The following COMMD10 variants were observed in gnomAD, a reference collection of about 807,000 sequenced individuals.
COMMD10 encodes COMM domain-containing protein 10.
Under a neutral mutation model 28.9 loss-of-function variants are expected in COMMD10, and 33 were observed. The ratio of observed to expected loss-of-function variants is 1.14; its 90% confidence interval spans 0.87 to 1.53. COMMD10 has a LOEUF of 1.53. Among genes scored for constraint, COMMD10 ranks in the 40% most tolerant of loss-of-function variants. COMMD10 has a pLI of 0.00. For synonymous variants in COMMD10, 110 were observed against 81.7 expected, an observed-to-expected ratio of 1.35 and a Z score of -1.87; for missense variants, 310 against 233.4, an observed-to-expected ratio of 1.33 and a Z score of -2.14.
intron 4 of COMMD10, among the ~76,000 whole-genome samples, chr5:116,133,143 A>G (rs915330586): frequency 2.6e-5 from 4 of 152,162 alleles, no homozygotes; most frequent in African/African-American, 4.8e-5. Context: ...TACTAAATCT[A>G]TTATTAGGGT....
rs182392995 is a variant in COMMD10 at position 116,178,382 on chromosome 5, C to T, written c.510+44204C>T. Among the ~76,000 whole-genome samples the T allele has an allele frequency of 1.6e-4, 25 of 152,174 alleles. No homozygotes were observed. The East Asian group carries it at 4.8e-3, about 29-fold the overall frequency. On this transcript the variant is annotated intron_variant, in intron 5 of 6. Transcript: ENST00000274458. ...AGTAAGATTAAAGCCTTAAACAAAA[C>T]TTACTTTATAAAATTGTTCTAAAGT...
intron 5 of COMMD10, among the ~76,000 whole-genome samples, chr5:116,237,487 C>G (rs552029345): frequency 1.6e-4 from 25 of 152,102 alleles, no homozygotes; most frequent in Non-Finnish European, 1.5e-5. Flanking sequence ...CTACATCAAG[C>G]TTTTATTTTA....
chr5:116,085,107 T>TA lies in COMMD10; in HGVS notation c.41+16dup, dbSNP rs1225406290. 6.2e-7 allele frequency: 1 copy of TA among 1,607,334 alleles called. No individual in the cohort carries two copies. The highest frequency in any genetic ancestry group is 1.1e-5 in the South Asian group (1 of 89,844). On this transcript the variant is annotated intron_variant, in intron 1 of 6. Transcript: ENST00000274458. The stretch of plus-strand genomic sequence containing the variant: ...GGAGAGCCCCAGGTAGCTGATCCGT[T>TA]AAGCTCTTGCGGTAGCCGCGCCCAG...
intron 5 of COMMD10, among the ~76,000 whole-genome samples, chr5:116,268,177 A>G (rs1376662304): frequency 2.6e-5 from 4 of 152,002 alleles, no homozygotes; most frequent in Non-Finnish European, 5.9e-5. Context: ...ACAGAATGGA[A>G]GAAAATGTTT....
chr5:116,209,276 T>TA (rs1748899341), intron 5 of COMMD10, among the ~76,000 whole-genome samples: 1 of 152,204 alleles, frequency 6.6e-6, no homozygotes, highest in South Asian at 2.1e-4. Flanking sequence ...ATTTTCTACT[T>TA]ACTGCTTCAG....
Position 116,179,455 on chromosome 5 carries a change from G to A in COMMD10, c.510+45277G>A, listed in dbSNP as rs550687809. Among the ~76,000 whole-genome samples, 6 of 152,126 alleles carry A rather than the reference G, an allele frequency of 3.9e-5. No homozygotes were observed. In the South Asian group the frequency reaches 1.2e-3, roughly 32 times the overall value. ...ACTCTTTCCATTCGTAAATACCCAC[G>A]AGCCTGTGTGGAATGGGCTTGATTC... On this transcript the variant is annotated intron_variant, in intron 5 of 6. Coordinates refer to ENST00000274458, the MANE Select transcript of COMMD10 (RefSeq NM_016144.4).
intron 5 of COMMD10, among the ~76,000 whole-genome samples, chr5:116,261,208 G>A (rs1407845695): frequency 6.6e-6 from 1 of 151,538 alleles, no homozygotes; most frequent in African/African-American, 2.4e-5. Context: ...AACTAGTTTT[G>A]GTTAAAAAGA....
chr5:116,241,620 T>TTATC (rs1749815424), intron 5 of COMMD10, among the ~76,000 whole-genome samples: 1 of 150,998 alleles, frequency 6.6e-6, no homozygotes, highest in Non-Finnish European at 1.5e-5. Flanking sequence ...ATTTATTTAT[T>TTATC]TATTTATTTT....
chr5:116,241,895 G>T (rs1749825789), intron 5 of COMMD10, among the ~76,000 whole-genome samples: 1 of 152,084 alleles, frequency 6.6e-6, no homozygotes, highest in Non-Finnish European at 1.5e-5. Flanking sequence ...GGGATTACAG[G>T]CGTGAGCCAC....
At chr5:116,248,295 G>A (rs965729034) in intron 5 of COMMD10, among the ~76,000 whole-genome samples, 1 of 151,952 alleles carries the variant, frequency 6.6e-6, no homozygotes, top group East Asian at 1.9e-4. Context: ...GGACAGCATT[G>A]AAAGTTTCAG....
intron 5 of COMMD10, among the ~76,000 whole-genome samples, chr5:116,240,301 CAG>C (rs1372622066): frequency 3.3e-5 from 5 of 151,778 alleles, no homozygotes; most frequent in African/African-American, 1.2e-4. Context: ...GCAAAAGAAA[CAG>C]AATGGAGAAG....
At chr5:116,183,392 C>T (rs1475397012) in intron 5 of COMMD10, among the ~76,000 whole-genome samples, 2 of 152,008 alleles carry the variant, frequency 1.3e-5, no homozygotes, top group African/African-American at 4.8e-5. Context: ...TAGCTCATGC[C>T]CTAGAATTTC....
chr5:116,278,820 A>G (rs761053430), intron 5 of COMMD10, among the ~76,000 whole-genome samples: 2 of 151,930 alleles, frequency 1.3e-5, no homozygotes, highest in East Asian at 1.9e-4. Context: ...CAGAATAAAT[A>G]CTTAGAGTGT....
intron 5 of COMMD10, among the ~76,000 whole-genome samples, chr5:116,265,184 A>T (rs1209421394): frequency 6.6e-6 from 1 of 151,788 alleles, no homozygotes; most frequent in Non-Finnish European, 1.5e-5. Flanking sequence ...AAGCAATGTG[A>T]TGTGGGAAAG....
In COMMD10 at chr5:116,288,210, C is replaced by T. The variant is rs920648633; in HGVS notation, c.511-3307C>T. Among the ~76,000 whole-genome samples the T allele has an allele frequency of 2.0e-5, 3 of 151,674 alleles. No individual in the cohort carries two copies. In the East Asian group the frequency reaches 5.8e-4, roughly 29 times the overall value. ...AACTGTTTTGCCAGATGCAGTATTCCTGATTAATAGTTTTTTTGTTTTTGT... is the reference window on the plus strand; with the variant it reads ...AACTGTTTTGCCAGATGCAGTATTCTTGATTAATAGTTTTTTTGTTTTTGT... On this transcript the variant is annotated intron_variant, in intron 5 of 6. Coordinates refer to ENST00000274458, the MANE Select transcript of COMMD10 (RefSeq NM_016144.4).
chr5:116,255,773 A>G (rs1310640871), intron 5 of COMMD10: 1 of 151,226 alleles, frequency 6.6e-6, no homozygotes, highest in East Asian at 2.0e-4. Context: ...CAAAAAAGAT[A>G]CAACCCATGA....
At chr5:116,112,759 ATGTTTGAGGTGGTATATGAGATT>A (rs1413880874) in intron 4 of COMMD10, among the ~76,000 whole-genome samples, 1 of 151,762 alleles carries the variant, frequency 6.6e-6, no homozygotes, top group Non-Finnish European at 1.5e-5. Context: ...TAATCCATTT[ATGTTTGAGGTGGTATATGAGATT>A]TTGTTCCTGT....
At chr5:116,123,754 A>T (rs1252687919) in intron 4 of COMMD10, among the ~76,000 whole-genome samples, 2 of 152,092 alleles carry the variant, frequency 1.3e-5, no homozygotes, top group African/African-American at 4.8e-5. Flanking sequence ...AGAGCCTGTT[A>T]TTGGTCTATT....
chr5:116,201,774 G>T (rs1019270803), intron 5 of COMMD10, among the ~76,000 whole-genome samples: 4 of 152,094 alleles, frequency 2.6e-5, no homozygotes, highest in Non-Finnish European at 5.9e-5. Context: ...TTTCAAGTCT[G>T]TGAAACAAAG....
Sources: gnomAD v4.1 joint callset for allele counts (sites outside exome capture counted in the v4.1 genomes callset) on GRCh38, gnomAD v4.1.1 for gene constraint, MANE v1.5 for transcripts, NCBI Gene and HGNC (gene_info 2026-07-23, HGNC 2026-07-21) for gene names.